The following KCNQ5 variants were observed in gnomAD, a reference collection of about 807,000 sequenced individuals.
KCNQ5 encodes potassium voltage-gated channel subfamily Q member 5.
Under a neutral mutation model 98.2 loss-of-function variants are expected in KCNQ5, and 30 were observed. The observed-to-expected ratio is 0.31, with a 90% CI of 0.23 to 0.41. The LOEUF is 0.41. Among genes scored for constraint, KCNQ5 ranks in the 10% least tolerant of loss-of-function variants. The pLI is 1.00. For missense variants in KCNQ5, 835 were observed against 1,182.5 expected, an observed-to-expected ratio of 0.71 and a Z score of 4.31; for synonymous variants, 458 against 449.4, an observed-to-expected ratio of 1.02 and a Z score of -0.24.
chr6:72,944,978 T>C (rs896922443), intron 1 of KCNQ5, among the ~76,000 whole-genome samples: 3 of 152,130 alleles, frequency 2.0e-5, no homozygotes, highest in Admixed American at 2.0e-4. Flanking sequence ...TGATTCTTAT[T>C]CCCTTAAGTT....
intron 10 of KCNQ5, among the ~76,000 whole-genome samples, chr6:73,152,259 A>G (rs1777181761): frequency 6.6e-6 from 1 of 152,062 alleles, no homozygotes; most frequent in East Asian, 1.9e-4. Flanking sequence ...ATATGAAGAT[A>G]TTTCTCATAA....
At chr6:73,157,825 G>A in intron 10 of KCNQ5, 1 of 779,638 alleles carries the variant, frequency 1.3e-6, no homozygotes, top group South Asian at 1.3e-5. Context: ...CTTGGTGTTG[G>A]CTTTGGCAAA....
Position 72,968,431 on chromosome 6 carries a change from A to G in KCNQ5, c.399-35477A>G, listed in dbSNP as rs1031654785. ...GAAGAAAAGAATCTCAAAGGAGGAT[A>G]GACTTTTAAAGAAATAAGTGAAAAA... On this transcript the variant is annotated intron_variant, in intron 1 of 13. Transcript: ENST00000370398. 5.9e-5 allele frequency among the ~76,000 whole-genome samples: 9 copies of G among 152,128 alleles called. No individual in the cohort carries two copies. In the South Asian group the frequency reaches 1.5e-3, roughly 25 times the overall value.
At chr6:72,943,259 A>G (rs1346366721) in intron 1 of KCNQ5, among the ~76,000 whole-genome samples, 2 of 152,158 alleles carry the variant, frequency 1.3e-5, no homozygotes, top group Non-Finnish European at 2.9e-5. Flanking sequence ...ATCCTAAACT[A>G]CAAGCTATTG....
At chr6:72,668,957 G>A (rs948500720) in intron 1 of KCNQ5, among the ~76,000 whole-genome samples, 4 of 151,762 alleles carry the variant, frequency 2.6e-5, no homozygotes, top group Non-Finnish European at 4.4e-5. Context: ...TATACTTATT[G>A]GGGATATGGA....
At chr6:73,169,263 A>T (rs1777916912) in intron 10 of KCNQ5, among the ~76,000 whole-genome samples, 1 of 152,324 alleles carries the variant, frequency 6.6e-6, no homozygotes, top group African/African-American at 2.4e-5. Flanking sequence ...TCCAGTAACT[A>T]ATAAGTAGTC....
intron 1 of KCNQ5, among the ~76,000 whole-genome samples, chr6:72,813,673 G>C (rs1775355986): frequency 6.6e-6 from 1 of 152,086 alleles, no homozygotes; most frequent in Non-Finnish European, 1.5e-5. Flanking sequence ...AAAATCTGCA[G>C]GTGCTTAAGT....
intron 1 of KCNQ5, among the ~76,000 whole-genome samples, chr6:72,742,448 A>G (rs906637910): frequency 2.0e-5 from 3 of 152,174 alleles, no homozygotes; most frequent in Non-Finnish European, 2.9e-5. Context: ...TTCTACTGCT[A>G]TTTATATCAG....
intron 10 of KCNQ5, among the ~76,000 whole-genome samples, chr6:73,164,362 A>G (rs1777716293): frequency 6.6e-6 from 1 of 152,202 alleles, no homozygotes; most frequent in South Asian, 2.1e-4. Context: ...CATTTGCTCT[A>G]ACTACACCTA....
chr6:72,894,924 T>C (rs1779186383), intron 1 of KCNQ5, among the ~76,000 whole-genome samples: 1 of 151,632 alleles, frequency 6.6e-6, no homozygotes, highest in South Asian at 2.1e-4. Flanking sequence ...TTGAGTGCAG[T>C]AATTATTAGC....
intron 1 of KCNQ5, among the ~76,000 whole-genome samples, chr6:72,913,158 A>T (rs1420731233): frequency 6.6e-6 from 1 of 152,166 alleles, no homozygotes; most frequent in Non-Finnish European, 1.5e-5. Context: ...AATATTTGGG[A>T]TAATAGCTTG....
chr6:72,665,739 G>A (rs528978293), intron 1 of KCNQ5, among the ~76,000 whole-genome samples: 5 of 152,208 alleles, frequency 3.3e-5, no homozygotes, highest in African/African-American at 7.2e-5. Context: ...AAGAGTTGCC[G>A]CATGAGGGTG....
chr6:72,901,832 T>C (rs1779517399), intron 1 of KCNQ5, among the ~76,000 whole-genome samples: 1 of 152,198 alleles, frequency 6.6e-6, no homozygotes, highest in African/African-American at 2.4e-5. Context: ...CTATGTGGGC[T>C]CTTTTCTGGT....
intron 5 of KCNQ5, among the ~76,000 whole-genome samples, chr6:73,095,220 A>C (rs1162475234): frequency 2.6e-5 from 4 of 152,108 alleles, no homozygotes; most frequent in African/African-American, 9.7e-5. Context: ...TATTGCTGAG[A>C]CTTTCCAGAG....
At chr6:72,661,390 A>G (rs536356328) in intron 1 of KCNQ5, among the ~76,000 whole-genome samples, 1 of 152,098 alleles carries the variant, frequency 6.6e-6, no homozygotes, top group Non-Finnish European at 1.5e-5. Flanking sequence ...CTGTTTCACA[A>G]TTATACAATT....
chr6:73,009,881 A>C (rs1342697852), intron 2 of KCNQ5, among the ~76,000 whole-genome samples: 1 of 152,188 alleles, frequency 6.6e-6, no homozygotes, highest in Non-Finnish European at 1.5e-5. Flanking sequence ...TCAGTAATAA[A>C]AAATCTTTCA....
At chr6:72,703,497 G>T (rs1445614285) in intron 1 of KCNQ5, among the ~76,000 whole-genome samples, 2 of 152,158 alleles carry the variant, frequency 1.3e-5, no homozygotes, top group African/African-American at 4.8e-5. Flanking sequence ...TTGGAACAAT[G>T]TCATAGTAAT....
chr6:72,981,305 G>GT (rs1768434177), intron 1 of KCNQ5, among the ~76,000 whole-genome samples: 1 of 152,042 alleles, frequency 6.6e-6, no homozygotes, highest in South Asian at 2.1e-4. Flanking sequence ...TTTTTGGTTG[G>GT]TAGGCTATTA....
At chr6:72,841,764 G>T (rs1353986891) in intron 1 of KCNQ5, among the ~76,000 whole-genome samples, 2 of 151,970 alleles carry the variant, frequency 1.3e-5, no homozygotes, top group Non-Finnish European at 2.9e-5. Context: ...ATTAAACAAA[G>T]TCCCAGCATT....
Sources: gnomAD v4.1 joint callset for allele counts (sites outside exome capture counted in the v4.1 genomes callset) on GRCh38, gnomAD v4.1.1 for gene constraint, MANE v1.5 for transcripts, NCBI Gene and HGNC (gene_info 2026-07-23, HGNC 2026-07-21) for gene names.